CD2AP: variants seen among roughly 807,000 people sequenced by gnomAD.
CD2AP encodes the protein CD2-associated protein.
A neutral mutation model predicts 85.1 loss-of-function variants in CD2AP; 46 were observed. That is an observed-to-expected ratio of 0.54 (90% CI 0.43 to 0.69). The LOEUF (loss-of-function observed/expected upper bound fraction) is 0.69, where lower values mean the gene tolerates loss of function less well. Ranked by LOEUF, CD2AP falls within the 30% of genes least tolerant of loss-of-function variation. CD2AP has a pLI of 0.00. For synonymous variants in CD2AP, 255 were observed against 252.9 expected, an observed-to-expected ratio of 1.01 and a Z score of -0.08; for missense variants, 769 against 729.5, an observed-to-expected ratio of 1.05 and a Z score of -0.62.
At chr6:47,524,384 C>G (rs927941350) in intron 2 of CD2AP, among the ~76,000 whole-genome samples, 5 of 152,128 alleles carry the variant, frequency 3.3e-5, no homozygotes, top group Non-Finnish European at 7.4e-5. Flanking sequence ...CCATGTAAGC[C>G]TCATGTTTTT....
chr6:47,610,971 A>ATATATATATATATAT, intron 16 of CD2AP, among the ~76,000 whole-genome samples: 1,260 of 112,654 alleles, frequency 0.011, 24 homozygotes, highest in South Asian at 0.02. Context: ...ATATATATGT[A>ATATATATATATATAT]TTTTTTTTTT....
At chr6:47,587,496 G>T (rs1003115599) in intron 11 of CD2AP, among the ~76,000 whole-genome samples, 10 of 152,116 alleles carry the variant, frequency 6.6e-5, no homozygotes, top group Non-Finnish European at 1.0e-4. Context: ...GCAGTTCTCT[G>T]CCCCTCTGTT....
Position 47,599,437 on chromosome 6 carries a change from G to A in CD2AP, c.1411G>A (p.Glu471Lys). ...FDSLTVRTSK[E>K]TDVVNFDDIA... ...TTCACTTACAGTAAGGACCTCCAAA[G>A]AAACAGGTAAGTCAGCATGGACAGC... The change falls in exon 13 of 18, where the codon GAA (glutamate) becomes AAA (lysine). Residue 471 changes from glutamate (E) to lysine (K), a missense_variant. Transcript: ENST00000359314. 1 of 1,611,510 alleles carries A rather than the reference G, an allele frequency of 6.2e-7. No individual in the cohort carries two copies. Among genetic ancestry groups the A allele is most frequent in the Non-Finnish European group, 8.5e-7 (1 of 1,178,774 alleles).
At chr6:47,577,168 T>C (rs1325204152) in intron 8 of CD2AP, 65 bp downstream of exon 8, 5 of 871,148 alleles carry the variant, frequency 5.7e-6, no homozygotes, top group African/African-American at 3.3e-5. Context: ...TCAAAAGTTA[T>C]ACATTCACCC....
At chr6:47,503,230 G>C in intron 1 of CD2AP, 50 bp from the exon 2 acceptor site, 1 of 1,503,898 alleles carries the variant, frequency 6.6e-7, no homozygotes, top group Non-Finnish European at 9.3e-7. Context: ...ATAGTTTACA[G>C]TATTTTGTGA....
chr6:47,488,025 C>CT (rs35093088), intron 1 of CD2AP, among the ~76,000 whole-genome samples: 40,859 of 127,532 alleles, frequency 0.32, 7,064 homozygotes, highest in African/African-American at 0.47. Context: ...GGATGAGATC[C>CT]TTTTTTTTTT....
chr6:47,478,259 C>A lies in CD2AP; in HGVS notation c.4+11C>A. 6.4e-7 allele frequency: 1 copy of A among 1,570,122 alleles called. No individual in the cohort carries two copies. Among genetic ancestry groups the A allele is most frequent in the Non-Finnish European group, 8.6e-7 (1 of 1,158,130 alleles). Reference sequence around the variant, plus strand: ...GAGCCCCCAGCATGGGTAAGAGACTCGGGCGCTTCCCGCCGCCCGTCCGGA... The same window carrying A: ...GAGCCCCCAGCATGGGTAAGAGACTAGGGCGCTTCCCGCCGCCCGTCCGGA... On this transcript the variant is annotated intron_variant, in intron 1 of 17. Transcript: ENST00000359314.
rs1373845021 is a variant in CD2AP, at chr6:47,582,296, T to C, written c.1108+231T>C. 3.1e-5 allele frequency: 13 copies of C among 418,388 alleles called. 1 individual carries two copies. Among genetic ancestry groups the C allele is most frequent in the Non-Finnish European group, 4.9e-5 (11 of 225,618 alleles). The allele number at this position is 418,388 out of a possible 1,614,324, so 25.9% of individuals were successfully genotyped here. A position where few individuals can be genotyped will look rare whatever the true frequency, so the allele number is the denominator to read the frequency against. On this transcript the variant is annotated intron_variant, in intron 11 of 17. Transcript: ENST00000359314. The stretch of plus-strand genomic sequence containing the variant: ...GTAGGATGTTGTCTTTATTCAGTTA[T>C]TTCACAGACTGTATAAGAAAACTAA...
At chr6:47,613,372 T>C (rs1404482038) in intron 17 of CD2AP, among the ~76,000 whole-genome samples, 1 of 152,166 alleles carries the variant, frequency 6.6e-6, no homozygotes, top group African/African-American at 2.4e-5. Flanking sequence ...TCTAAATGTC[T>C]CCTTGATTCA....
chr6:47,529,835 CAGAG>C (rs1257542054), intron 2 of CD2AP, among the ~76,000 whole-genome samples: 2 of 152,230 alleles, frequency 1.3e-5, no homozygotes, highest in Admixed American at 6.5e-5. Context: ...TACCCAGACT[CAGAG>C]AGCTTTATAT....
At chr6:47,606,900 C>G (rs965887908) in intron 14 of CD2AP, among the ~76,000 whole-genome samples, 3 of 151,984 alleles carry the variant, frequency 2.0e-5, no homozygotes, top group Admixed American at 6.6e-5. Flanking sequence ...CTACCAAATA[C>G]TAGGTCTTAC....
At chr6:47,505,313 C>T (rs1407541211) in intron 2 of CD2AP, among the ~76,000 whole-genome samples, 1 of 148,574 alleles carries the variant, frequency 6.7e-6, no homozygotes, top group Non-Finnish European at 1.5e-5. Flanking sequence ...TGAGTGGACA[C>T]AGCACATGTT....
chr6:47,589,756 T>C (rs1267630714), intron 11 of CD2AP, among the ~76,000 whole-genome samples: 2 of 151,918 alleles, frequency 1.3e-5, no homozygotes, highest in Admixed American at 1.3e-4. Flanking sequence ...GAACTTTCGA[T>C]AGACTTTTGG....
chr6:47,516,322 G>C (rs1766451913), intron 2 of CD2AP, among the ~76,000 whole-genome samples: 1 of 152,220 alleles, frequency 6.6e-6, no homozygotes, highest in African/African-American at 2.4e-5. Flanking sequence ...TTTGAGGACA[G>C]AGCAACAGAG....
Position 47,576,517 on chromosome 6 carries a change from A to C in CD2AP, c.730-7A>C. 1 of 1,593,230 alleles carries C rather than the reference A, an allele frequency of 6.3e-7. No homozygotes were observed. Among genetic ancestry groups the C allele is most frequent in the South Asian group, 1.1e-5 (1 of 90,636 alleles). Reference sequence around the variant, plus strand: ...AAAATAGTTTATGCCATTTTTTTCTATTCTAGCCCTTAATCCTACAGTCAC... The same window carrying C: ...AAAATAGTTTATGCCATTTTTTTCTCTTCTAGCCCTTAATCCTACAGTCAC... On this transcript the variant is annotated splice_region_variant and splice_polypyrimidine_tract_variant and intron_variant, in intron 6 of 17. Transcript: ENST00000359314.
intron 14 of CD2AP, among the ~76,000 whole-genome samples, chr6:47,606,567 A>G (rs935301915): frequency 6.6e-6 from 1 of 152,072 alleles, no homozygotes; most frequent in East Asian, 1.9e-4. Context: ...TCTTTCAACA[A>G]CAGTTATTAA....
Position 47,626,912 on chromosome 6 carries a change from A to G in CD2AP, c.*2685A>G, listed in dbSNP as rs909333915. The G allele has an allele frequency of 1.3e-5, 2 of 152,494 alleles. No homozygotes were observed. Among genetic ancestry groups the G allele is most frequent in the African/African-American group, 4.8e-5 (2 of 41,460 alleles). 9.4% of individuals were successfully genotyped at this position (152,494 alleles called of 1,614,324 possible). On this transcript the variant is annotated 3_prime_UTR_variant, in exon 18 of 18. Transcript: ENST00000359314. ...TGCAATGACTTGATTTAATAAAATCATATTTTAAAAGTTGCTGCTATGAAT... is the reference window on the plus strand; with the variant it reads ...TGCAATGACTTGATTTAATAAAATCGTATTTTAAAAGTTGCTGCTATGAAT...
At position 47,574,051 on chromosome 6, in the gene CD2AP, A is replaced by G; in HGVS notation, c.542-13A>G. The G allele has an allele frequency of 1.2e-6, 2 of 1,611,918 alleles. No individual in the cohort carries two copies. The highest frequency in any genetic ancestry group is 2.2e-5 in the South Asian group (2 of 91,036). ...TCTAGGTGTCATTCTTCAAAAACAA[A>G]TTATTGTTTCAGAAACTGTTTTGGC... On this transcript the variant is annotated splice_polypyrimidine_tract_variant and intron_variant, in intron 5 of 17. Transcript: ENST00000359314.
At chr6:47,616,081 C>CTTTTTTTTTT in intron 17 of CD2AP, among the ~76,000 whole-genome samples, 1 of 57,884 alleles carries the variant, frequency 1.7e-5, no homozygotes, top group Non-Finnish European at 3.1e-5. Context: ...CTGCGCCTGG[C>CTTTTTTTTTT]CTTTTTTTTT....
Sources: gnomAD v4.1 joint callset for allele counts (sites outside exome capture counted in the v4.1 genomes callset) on GRCh38, gnomAD v4.1.1 for gene constraint, MANE v1.5 for transcripts, NCBI Gene and HGNC (gene_info 2026-07-23, HGNC 2026-07-21) for gene names.